Variants in NBEA observed in about 807,000 individuals in gnomAD.
NBEA encodes the protein lysosomal-trafficking regulator 2.
A neutral mutation model predicts 343.4 loss-of-function variants in NBEA; 44 were observed. The observed-to-expected ratio is 0.13, with a 90% CI of 0.10 to 0.16. The LOEUF (loss-of-function observed/expected upper bound fraction) is 0.16, where lower values mean the gene tolerates loss of function less well. Ranked by LOEUF, NBEA falls within the 10% of genes least tolerant of loss-of-function variation. The pLI, the probability that NBEA is intolerant of heterozygous loss-of-function variation, is 1.00. For synonymous variants in NBEA, 1,175 were observed against 1,238.7 expected (o/e 0.95, Z 1.08); for missense variants, 2,555 against 3,631.3 (o/e 0.70, Z 7.62).
Position 35,583,977 on chromosome 13 carries a change from C to T in NBEA, c.7115C>T (p.Pro2372Leu), listed in dbSNP as rs755526209. 1 of 1,613,248 alleles carries T rather than the reference C, an allele frequency of 6.2e-7. No individual in the cohort carries two copies. Among genetic ancestry groups the T allele is most frequent in the Non-Finnish European group, 8.5e-7 (1 of 1,179,424 alleles). Residue 2372 changes from proline to leucine, a missense_variant, in exon 46 of 59, where the codon CCC becomes CTC. This residue lies in a region of NBEA where 156 missense variants were observed against 185.8 expected (regional missense o/e 0.84). Transcript: ENST00000379939. Reference sequence around the variant, plus strand: ...ACATGGGAAGATGATCAAAGCCCACCCTACCATTATAATACCCATTATTCA... The same window carrying T: ...ACATGGGAAGATGATCAAAGCCCACTCTACCATTATAATACCCATTATTCA... The part of the protein sequence containing the change: ...YETWEDDQSP[P>L]YHYNTHYSTA...
Position 35,472,097 on chromosome 13 carries a change from C to A in NBEA, c.6449-303C>A, listed in dbSNP as rs2075677190. Among the ~76,000 whole-genome samples the A allele has an allele frequency of 3.3e-5, 5 of 152,080 alleles. 1 individual carries two copies. The South Asian group carries it at 1.0e-3, about 32-fold the overall frequency. ...AGAATTGGGGCATTTGTCCGTTCTG[C>A]ACTTTTAAGTAAGTTAATGGCAGCC... On this transcript the variant is annotated intron_variant, in intron 40 of 58. Transcript: ENST00000379939.
intron 41 of NBEA, among the ~76,000 whole-genome samples, chr13:35,492,990 C>T (rs9544445): frequency 0.12 from 17,761 of 151,754 alleles, 1,297 homozygotes; most frequent in East Asian, 0.42. Context: ...GTTTACTAAG[C>T]GGAATATGGA....
intron 40 of NBEA, among the ~76,000 whole-genome samples, chr13:35,458,260 C>G (rs1430324924): frequency 6.6e-6 from 1 of 152,282 alleles, no homozygotes; most frequent in African/African-American, 2.4e-5. Context: ...GCCGCCCCAC[C>G]ACATTTTGAT....
chr13:35,001,764 A>G (rs1025514810), intron 1 of NBEA, among the ~76,000 whole-genome samples: 2 of 152,052 alleles, frequency 1.3e-5, no homozygotes, highest in African/African-American at 4.8e-5. Context: ...TAGGGTGACT[A>G]TTGTTAACAA....
intron 38 of NBEA, among the ~76,000 whole-genome samples, chr13:35,360,313 CTT>C (rs1442134738): frequency 1.3e-5 from 2 of 152,012 alleles, no homozygotes; most frequent in African/African-American, 2.4e-5. Context: ...ACTGAACTGA[CTT>C]TGGAACTGCC....
chr13:35,309,413 A>T (rs1388034848), intron 35 of NBEA, 115 bp from the exon 36 acceptor site: 4 of 631,372 alleles, frequency 6.3e-6, no homozygotes, highest in Non-Finnish European at 1.1e-5. Flanking sequence ...TTGTAAAGAC[A>T]TTTGGAAATA....
At chr13:35,592,169 C>T (rs551424621) in intron 46 of NBEA, among the ~76,000 whole-genome samples, 22 of 152,168 alleles carry the variant, frequency 1.4e-4, no homozygotes, top group Admixed American at 7.2e-4. Flanking sequence ...TAAAGTTATT[C>T]CTAGGTTTTC....
At chr13:35,059,411 A>G (rs2063381223) in intron 8 of NBEA, among the ~76,000 whole-genome samples, 1 of 151,910 alleles carries the variant, frequency 6.6e-6, no homozygotes, top group Non-Finnish European at 1.5e-5. Flanking sequence ...AACTTTAAAA[A>G]CAAAGACTCT....
At chr13:35,090,923 A>G (rs1046745762) in intron 10 of NBEA, among the ~76,000 whole-genome samples, 7 of 152,176 alleles carry the variant, frequency 4.6e-5, no homozygotes, top group Middle Eastern at 6.8e-3. Flanking sequence ...TGAGTTCACT[A>G]TACTTTTTGT....
At chr13:35,134,606 C>CT (rs1566341258) in intron 17 of NBEA, among the ~76,000 whole-genome samples, 1 of 151,858 alleles carries the variant, frequency 6.6e-6, no homozygotes, top group African/African-American at 2.4e-5. Flanking sequence ...AGCAAAAACT[C>CT]TTATCAGAAA....
chr13:35,445,328 T>G (rs2045946690), intron 39 of NBEA, among the ~76,000 whole-genome samples: 1 of 152,186 alleles, frequency 6.6e-6, no homozygotes, highest in African/African-American at 2.4e-5. Context: ...TTATCAAAAT[T>G]TTAATAAACA....
chr13:35,649,245 A>G (rs1593468032), intron 51 of NBEA, among the ~76,000 whole-genome samples: 1 of 152,340 alleles, frequency 6.6e-6, no homozygotes, highest in East Asian at 1.9e-4. Flanking sequence ...GTATTAGTCA[A>G]TTCACTTTAT....
chr13:35,118,180 AAATTTT>A (rs757151036), intron 14 of NBEA, 42 bp from the exon 15 acceptor site: 1 of 1,214,696 alleles, frequency 8.2e-7, no homozygotes, highest in African/African-American at 1.5e-5. Flanking sequence ...TTTTAAATTA[AAATTTT>A]AATTTTAGAT....
chr13:35,421,737 A>G (rs1273809758), intron 38 of NBEA, among the ~76,000 whole-genome samples: 1 of 152,076 alleles, frequency 6.6e-6, no homozygotes, highest in Admixed American at 6.6e-5. Flanking sequence ...TTTTTACTTC[A>G]TCTAAAGATG....
intron 36 of NBEA, among the ~76,000 whole-genome samples, chr13:35,330,942 G>A (rs117752133): frequency 0.03 from 4,520 of 152,026 alleles, 102 homozygotes; most frequent in Non-Finnish European, 0.045. Context: ...ATGAAAATGA[G>A]TAAATTGGTT....
chr13:35,336,972 G>A (rs2039300475), intron 36 of NBEA, among the ~76,000 whole-genome samples: 1 of 152,004 alleles, frequency 6.6e-6, no homozygotes, highest in Non-Finnish European at 1.5e-5. Flanking sequence ...CCTGTGACAT[G>A]CAGTTTGCCC....
intron 18 of NBEA, among the ~76,000 whole-genome samples, chr13:35,148,724 ATATT>A (rs1387877575): frequency 6.6e-6 from 1 of 152,196 alleles, no homozygotes; most frequent in Non-Finnish European, 1.5e-5. Context: ...TTATCACAAA[ATATT>A]TATCTATAGC....
Position 34,942,691 on chromosome 13 carries a change from GC to G in NBEA, c.-127del. On this transcript the variant is annotated 5_prime_UTR_variant, in exon 1 of 59. Transcript: ENST00000379939. ...GGGCTGAGGCGCAGGCGGGGAGCGG[GC>G]CCGGCGCCGCGGCGCTGGTGGATGC... The G allele has an allele frequency of 1.6e-6, 1 of 625,686 alleles. No individual in the cohort carries two copies. Among genetic ancestry groups the G allele is most frequent in the East Asian group, 3.7e-5 (1 of 26,946 alleles). 38.8% of individuals were successfully genotyped at this position (625,686 alleles called of 1,614,324 possible).
chr13:35,574,722 C>CA (rs1431919312), intron 45 of NBEA, among the ~76,000 whole-genome samples: 3 of 150,342 alleles, frequency 2.0e-5, no homozygotes. Flanking sequence ...CCTGTCTCTA[C>CA]AAAAAATTAA....
Sources: allele counts gnomAD v4.1 joint callset (sites outside exome capture counted in the v4.1 genomes callset), GRCh38; gene constraint gnomAD v4.1.1; regional missense constraint gnomAD v4.1.1; transcripts MANE v1.5; gene names NCBI Gene and HGNC (gene_info 2026-07-23, HGNC 2026-07-21).